TOMM34: variants seen among roughly 807,000 people sequenced by gnomAD.
TOMM34 encodes mitochondrial import receptor subunit TOM34.
TOMM34 carries 24 observed loss-of-function variants against 37.4 expected under a neutral mutation model. That is an observed-to-expected ratio of 0.64 (90% CI 0.46 to 0.90). The LOEUF (loss-of-function observed/expected upper bound fraction) is 0.90. Among genes scored for constraint, TOMM34 ranks in the 40% least tolerant of loss-of-function variants. TOMM34 has a pLI of 0.00. For synonymous variants in TOMM34, 154 were observed against 148.9 expected, an observed-to-expected ratio of 1.03 and a Z score of -0.25; for missense variants, 304 against 375.6, an observed-to-expected ratio of 0.81 and a Z score of 1.58.
At chr20:44,956,878 A>G (rs1283616387) in intron 1 of TOMM34, among the ~76,000 whole-genome samples, 1 of 151,920 alleles carries the variant, frequency 6.6e-6, no homozygotes, top group Non-Finnish European at 1.5e-5. Flanking sequence ...AGAAAGAAAA[A>G]AAAAAAAAGA....
At position 44,960,355 on chromosome 20, in the gene TOMM34, T is replaced by TG; in HGVS notation, c.-23dup. The TG allele has an allele frequency of 6.5e-7, 1 of 1,544,646 alleles. No homozygotes were observed. Among genetic ancestry groups the TG allele is most frequent in the Non-Finnish European group, 8.7e-7 (1 of 1,143,510 alleles). ...CCATCCCGTGGCCAGGCCGGCGAGT[T>TG]GGGAGCTCCTTCCTTCCTCCCCCGT... On this transcript the variant is annotated 5_prime_UTR_variant, in exon 1 of 7. Transcript: ENST00000372813.
At chr20:44,943,604 G>C in intron 5 of TOMM34, 25 bp from the exon 6 acceptor site, 1 of 1,613,642 alleles carries the variant, frequency 6.2e-7, no homozygotes, top group Non-Finnish European at 8.5e-7. Context: ...CATTTCAGAG[G>C]TTTCAGTCAC....
Position 44,955,163 on chromosome 20 carries a change from A to T in TOMM34, c.285T>A (p.Tyr95Ter), listed in dbSNP as rs1211016811. 3 of 1,614,226 alleles carry T rather than the reference A, an allele frequency of 1.9e-6. No homozygotes were observed. In the South Asian group the frequency reaches 3.3e-5, roughly 18 times the overall value. ...CCATAGGGTACTTCTCCAGAGCCTC[A>T]TAAGCAGATGCTCGCCGCAGCAGGG... ...IKPLLRRASA[Y>*]EALEKYPMAY... The change falls in exon 3 of 7, where the codon TAT (tyrosine) becomes TAA (stop). Residue 95 changes from tyrosine to a stop codon, truncating the protein, a stop_gained. Transcript: ENST00000372813. LOFTEE classifies it high-confidence loss of function.
intron 5 of TOMM34, among the ~76,000 whole-genome samples, chr20:44,946,629 G>A (rs189362212): frequency 1.1e-3 from 163 of 152,332 alleles, no homozygotes; most frequent in African/African-American, 3.8e-3. Flanking sequence ...GGGCTGGCAA[G>A]TTGTAGGTGC....
intron 1 of TOMM34, chr20:44,959,953 C>T (rs997864581): frequency 4.1e-6 from 4 of 985,346 alleles, no homozygotes; most frequent in Non-Finnish European, 4.8e-6. Flanking sequence ...TGAATTGCTG[C>T]GGGGGAGGAG....
chr20:44,952,601 T>C (rs529266377), intron 3 of TOMM34: 8 of 717,462 alleles, frequency 1.1e-5, no homozygotes, highest in Admixed American at 4.0e-5. Flanking sequence ...TGGAAAAAGA[T>C]TGCCACCTTC....
intron 2 of TOMM34, 123 bp from the exon 3 acceptor site, chr20:44,955,343 A>G (rs1766164868): frequency 5.4e-6 from 7 of 1,300,194 alleles, no homozygotes; most frequent in Non-Finnish European, 7.4e-6. Flanking sequence ...TGGCCGAGAG[A>G]CATGGCTAAA....
chr20:44,960,126 T>C, intron 1 of TOMM34, 81 bp downstream of exon 1: 2 of 1,481,438 alleles, frequency 1.4e-6, no homozygotes, highest in East Asian at 2.7e-5. Context: ...GCAGGACTGC[T>C]GGCCGCCGCG....
At chr20:44,951,199 A>G (rs1346986058) in intron 4 of TOMM34, among the ~76,000 whole-genome samples, 1 of 151,982 alleles carries the variant, frequency 6.6e-6, no homozygotes, top group Non-Finnish European at 1.5e-5. Flanking sequence ...TTTTTGGGGG[A>G]AAAAAATCCT....
Position 44,943,378 on chromosome 20 carries a change from A to G in TOMM34, c.825+75T>C, listed in dbSNP as rs946880452. 1.9e-6 allele frequency: 3 copies of G among 1,608,112 alleles called. No homozygotes were observed. The African/African-American group carries it at 4.0e-5, about 22-fold the overall frequency. On this transcript the variant is annotated intron_variant, in intron 6 of 6. Coordinates refer to ENST00000372813, the MANE Select transcript of TOMM34 (RefSeq NM_006809.5). ...CTGCAGATATTGTCTCAGCTTGGCTACACCCTGTAAATGGTGACACTGGCA... is the reference window on the plus strand; with the variant it reads ...CTGCAGATATTGTCTCAGCTTGGCTGCACCCTGTAAATGGTGACACTGGCA...
Position 44,942,985 on chromosome 20 carries a change from G to C in TOMM34, c.*124C>G. On this transcript the variant is annotated 3_prime_UTR_variant, in exon 7 of 7. Transcript: ENST00000372813. ...CTTACAGGGTGGGAGGCCATCAAGGGATTGAGGAGGGGGCTTCAGAGCTCA... is the reference window on the plus strand; with the variant it reads ...CTTACAGGGTGGGAGGCCATCAAGGCATTGAGGAGGGGGCTTCAGAGCTCA... 1.2e-6 allele frequency: 1 copy of C among 827,132 alleles called. No individual in the cohort carries two copies. The highest frequency in any genetic ancestry group is 2.0e-6 in the Non-Finnish European group (1 of 501,104). The allele number at this position is 827,132 out of a possible 1,614,324, so 51.2% of individuals were successfully genotyped here.
At chr20:44,952,312 T>C (rs1241977425) in intron 3 of TOMM34, among the ~76,000 whole-genome samples, 1 of 152,256 alleles carries the variant, frequency 6.6e-6, no homozygotes, top group Non-Finnish European at 1.5e-5. Flanking sequence ...GAAAGAATCA[T>C]ACATTTTGTT....
At chr20:44,957,254 C>A (rs939423918) in intron 1 of TOMM34, among the ~76,000 whole-genome samples, 2 of 152,076 alleles carry the variant, frequency 1.3e-5, no homozygotes, top group African/African-American at 4.8e-5. Flanking sequence ...GTGGAGCGAT[C>A]TCCGCTCACT....
intron 4 of TOMM34, among the ~76,000 whole-genome samples, chr20:44,951,527 A>G (rs1235048478): frequency 6.6e-6 from 1 of 152,172 alleles, no homozygotes; most frequent in African/African-American, 2.4e-5. Context: ...CATCCTAAGT[A>G]CTACATCCCA....
chr20:44,954,941 G>A (rs753828889), intron 3 of TOMM34, 127 bp downstream of exon 3: 3 of 1,193,996 alleles, frequency 2.5e-6, no homozygotes, highest in South Asian at 1.7e-5. Context: ...TCCCCTACAT[G>A]CCCATCGGGA....
At chr20:44,950,461 G>A (rs953063915) in intron 4 of TOMM34, among the ~76,000 whole-genome samples, 6 of 152,190 alleles carry the variant, frequency 3.9e-5, no homozygotes, top group African/African-American at 1.4e-4. Context: ...CCTCAACTGA[G>A]GGAGAGTTCC....
chr20:44,945,039 T>G (rs1051274984), intron 5 of TOMM34, among the ~76,000 whole-genome samples: 2 of 152,248 alleles, frequency 1.3e-5, no homozygotes, highest in Non-Finnish European at 2.9e-5. Context: ...TTTCGCTTTT[T>G]ACATTCCAAA....
At chr20:44,943,264 G>T in intron 6 of TOMM34, 51 bp from the exon 7 acceptor site, 1 of 1,606,658 alleles carries the variant, frequency 6.2e-7, no homozygotes, top group Non-Finnish European at 8.5e-7. Context: ...GACTGGGGTG[G>T]GGATAGCTGC....
chr20:44,958,623 T>C (rs189783453), intron 1 of TOMM34: 1 of 184,874 alleles, frequency 5.4e-6, no homozygotes, highest in Non-Finnish European at 1.2e-5. Context: ...ACTGATCAGA[T>C]AAATCAAGAG....
Sources: allele counts gnomAD v4.1 joint callset (sites outside exome capture counted in the v4.1 genomes callset), GRCh38; gene constraint gnomAD v4.1.1; transcripts MANE v1.5; gene names NCBI Gene and HGNC (gene_info 2026-07-23, HGNC 2026-07-21).